Variants in CPQ observed in about 807,000 individuals in gnomAD.
CPQ encodes the protein Ser-Met dipeptidase.
In CPQ, 37 loss-of-function variants were observed where a neutral mutation model predicts 45.7. The observed-to-expected ratio is 0.81, with a 90% CI of 0.62 to 1.07. The LOEUF (loss-of-function observed/expected upper bound fraction) is 1.07, where lower values mean the gene tolerates loss of function less well. Among genes scored for constraint, CPQ ranks in the 50% least tolerant of loss-of-function variants. The pLI is 0.00. For synonymous variants in CPQ, 186 were observed against 205.8 expected (o/e 0.90, Z 0.82); for missense variants, 537 against 572.9 (o/e 0.94, Z 0.64).
intron 1 of CPQ, among the ~76,000 whole-genome samples, chr8:96,686,630 T>C: frequency 6.6e-6 from 1 of 152,054 alleles, no homozygotes; most frequent in Non-Finnish European, 1.5e-5. Context: ...TTCATGATAT[T>C]CACAAGTGAG....
chr8:96,719,840 C>T (rs1200987226), intron 1 of CPQ, among the ~76,000 whole-genome samples: 3 of 152,196 alleles, frequency 2.0e-5, no homozygotes, highest in African/African-American at 7.2e-5. Flanking sequence ...GGGTTAAGGC[C>T]TTCCCCTGTG....
intron 1 of CPQ, among the ~76,000 whole-genome samples, chr8:96,729,242 C>A (rs1419137812): frequency 6.6e-6 from 1 of 152,154 alleles, no homozygotes; most frequent in Non-Finnish European, 1.5e-5. Context: ...GCAATTAATT[C>A]CTTGTTGGGC....
rs189432020 is a variant in CPQ, at chr8:97,025,660, A to G, written c.962-3743A>G. On this transcript the variant is annotated intron_variant, in intron 5 of 7. Coordinates refer to ENST00000220763, the MANE Select transcript of CPQ (RefSeq NM_016134.4). ...TACAGCAGAGCTTCCACTTACCCCA[A>G]ATCTGCCACAGAATTAATTCCCTAC... is the stretch of plus-strand genomic sequence containing the variant. Among the ~76,000 whole-genome samples, 16 of 152,158 alleles carry G rather than the reference A, an allele frequency of 1.1e-4. No homozygotes were observed. In the East Asian group the frequency reaches 3.1e-3, roughly 29 times the overall value.
intron 2 of CPQ, among the ~76,000 whole-genome samples, chr8:96,799,738 A>T (rs1322304026): frequency 6.6e-6 from 1 of 152,200 alleles, no homozygotes; most frequent in East Asian, 1.9e-4. Flanking sequence ...GTCTGTGACT[A>T]TAGGGGTTGT....
In CPQ at chr8:96,902,310, A is replaced by G. The variant is rs184201985; in HGVS notation, c.849+22305A>G. ...ATGTGCCAATATTATTATCAAAACT[A>G]TTTAGCAGATGAAGTAACTGAGGCA... is the stretch of plus-strand genomic sequence containing the variant. On this transcript the variant is annotated intron_variant, in intron 4 of 7. Transcript: ENST00000220763. 3.9e-5 allele frequency among the ~76,000 whole-genome samples: 6 copies of G among 152,332 alleles called. No homozygotes were observed. The East Asian group carries it at 5.8e-4, about 15-fold the overall frequency.
intron 7 of CPQ, among the ~76,000 whole-genome samples, chr8:97,141,040 A>G (rs1812151082): frequency 6.6e-6 from 1 of 152,122 alleles, no homozygotes. Flanking sequence ...ATCATTTCCT[A>G]TTCTGGATGG....
intron 4 of CPQ, among the ~76,000 whole-genome samples, chr8:96,938,258 G>A (rs1255094489): frequency 3.9e-5 from 6 of 152,120 alleles, no homozygotes; most frequent in Non-Finnish European, 5.9e-5. Flanking sequence ...TAGACCGGGT[G>A]TGGTGGCTTA....
chr8:96,708,932 C>G (rs1210884993), intron 1 of CPQ, among the ~76,000 whole-genome samples: 1 of 152,110 alleles, frequency 6.6e-6, no homozygotes. Context: ...AAATATCTTT[C>G]AGATCTGTCT....
rs35247469 is a variant in CPQ at position 96,730,866 on chromosome 8, C to CATATATATAT, written c.-34-53981_-34-53972dup. ...GATCTAGATCAATTAACCATACATA[C>CATATATATAT]ATATATATATATATATATATATATA... On this transcript the variant is annotated intron_variant, in intron 1 of 7. Transcript: ENST00000220763. Among the ~76,000 whole-genome samples, 186 of 68,684 alleles carry CATATATATAT rather than the reference C, an allele frequency of 2.7e-3. 4 individuals are homozygous for CATATATATAT. The highest frequency in any genetic ancestry group is 8.7e-3 in the African/African-American group (171 of 19,694). The allele number at this position is 68,684 out of a possible 152,430, so 45.1% of individuals were successfully genotyped here.
intron 1 of CPQ, among the ~76,000 whole-genome samples, chr8:96,654,714 A>C (rs1815618030): frequency 6.6e-6 from 1 of 152,250 alleles, no homozygotes; most frequent in South Asian, 2.1e-4. Flanking sequence ...GAGAAAAAGC[A>C]TCAGTGGAAC....
At chr8:96,835,487 G>A (rs190750399) in intron 3 of CPQ, among the ~76,000 whole-genome samples, 200 of 152,234 alleles carry the variant, frequency 1.3e-3, no homozygotes, top group Admixed American at 2.0e-3. Flanking sequence ...GAAGAACTGC[G>A]TTCATGTCTG....
chr8:97,123,643 A>G (rs1200833443), intron 7 of CPQ, among the ~76,000 whole-genome samples: 5 of 152,122 alleles, frequency 3.3e-5, no homozygotes, highest in Admixed American at 1.3e-4. Context: ...AATCAAGATG[A>G]TATAATACAA....
chr8:96,961,544 A>G (rs955336702), intron 4 of CPQ, among the ~76,000 whole-genome samples: 30 of 152,190 alleles, frequency 2.0e-4, no homozygotes, highest in Non-Finnish European at 4.4e-5. Flanking sequence ...CCTTCATTTT[A>G]TGATAGTTAA....
intron 1 of CPQ, among the ~76,000 whole-genome samples, chr8:96,770,191 C>T (rs1333662877): frequency 1.3e-5 from 2 of 152,064 alleles, no homozygotes; most frequent in African/African-American, 4.8e-5. Flanking sequence ...AGAGTGTGGC[C>T]AGTGGGAGGA....
chr8:96,649,525 T>C (rs1815554694), intron 1 of CPQ, among the ~76,000 whole-genome samples: 1 of 152,156 alleles, frequency 6.6e-6, no homozygotes, highest in African/African-American at 2.4e-5. Flanking sequence ...ATGGGAAATA[T>C]GTTTGAAAAT....
intron 2 of CPQ, among the ~76,000 whole-genome samples, chr8:96,789,888 T>A (rs1269031560): frequency 6.6e-6 from 1 of 152,088 alleles, no homozygotes; most frequent in African/African-American, 2.4e-5. Flanking sequence ...CTGACCCATG[T>A]GTTGTTTTGA....
intron 5 of CPQ, among the ~76,000 whole-genome samples, chr8:97,021,821 C>T (rs1414754333): frequency 6.6e-6 from 1 of 152,094 alleles, no homozygotes; most frequent in African/African-American, 2.4e-5. Context: ...CAATTCCTAT[C>T]AAAATACCAC....
chr8:96,818,027 C>G (rs1313833775), intron 2 of CPQ, among the ~76,000 whole-genome samples: 1 of 152,058 alleles, frequency 6.6e-6, no homozygotes, highest in Non-Finnish European at 1.5e-5. Flanking sequence ...GCCTTCCTCA[C>G]TAAGCCTAAC....
intron 1 of CPQ, among the ~76,000 whole-genome samples, chr8:96,710,527 G>A (rs1809592804): frequency 6.6e-6 from 1 of 152,014 alleles, no homozygotes; most frequent in East Asian, 1.9e-4. Context: ...TGTATTCTGA[G>A]GTTTTGAAAC....
Sources: gnomAD v4.1 joint callset for allele counts (sites outside exome capture counted in the v4.1 genomes callset) on GRCh38, gnomAD v4.1.1 for gene constraint, MANE v1.5 for transcripts, NCBI Gene and HGNC (gene_info 2026-07-23, HGNC 2026-07-21) for gene names.